FBN2: variants seen among roughly 807,000 people sequenced by gnomAD.
FBN2 encodes the protein fibrillin-2.
Under a neutral mutation model 355.6 loss-of-function variants are expected in FBN2, and 105 were observed. That is an observed-to-expected ratio of 0.30 (90% confidence interval 0.25 to 0.35). The LOEUF (loss-of-function observed/expected upper bound fraction) is 0.35. Ranked by LOEUF, FBN2 falls within the 10% of genes least tolerant of loss-of-function variation. FBN2 has a pLI of 1.00. For synonymous variants in FBN2, 1,350 were observed against 1,301.2 expected (o/e 1.04, Z -0.81); for missense variants, 3,280 against 3,758.7 (o/e 0.87, Z 3.33).
intron 8 of FBN2, among the ~76,000 whole-genome samples, chr5:128,397,526 G>T (rs939765103): frequency 6.6e-6 from 1 of 152,108 alleles, no homozygotes; most frequent in Non-Finnish European, 1.5e-5. Context: ...ATTTTCAACC[G>T]TATTTAACTC....
chr5:128,364,766 G>A (rs1409980538), intron 17 of FBN2, 41 bp from the exon 18 acceptor site: 2 of 1,534,648 alleles, frequency 1.3e-6, no homozygotes, highest in Non-Finnish European at 1.8e-6. Flanking sequence ...CAACAAACAT[G>A]TTATTGTTTG....
intron 7 of FBN2, among the ~76,000 whole-genome samples, chr5:128,444,396 C>T (rs1050351920): frequency 2.6e-5 from 4 of 152,100 alleles, no homozygotes; most frequent in African/African-American, 9.7e-5. Context: ...TATAAAGAAA[C>T]AATATTACCC....
At chr5:128,279,105 T>C (rs1216900322) in intron 56 of FBN2, among the ~76,000 whole-genome samples, 1 of 152,176 alleles carries the variant, frequency 6.6e-6, no homozygotes, top group Non-Finnish European at 1.5e-5. Flanking sequence ...AACTAAATGA[T>C]AGTGACCTAC....
intron 23 of FBN2, 91 bp from the exon 24 acceptor site, chr5:128,345,675 T>C: frequency 2.6e-6 from 3 of 1,168,984 alleles, no homozygotes; most frequent in Middle Eastern, 1.9e-4. Flanking sequence ...CCAGGCATCA[T>C]GCAGGACCCT....
At chr5:128,350,782 C>G (rs928980424) in intron 21 of FBN2, 86 bp downstream of exon 21, 34 of 1,488,270 alleles carry the variant, frequency 2.3e-5, no homozygotes, top group Non-Finnish European at 3.1e-5. Context: ...ACCTTCTTCA[C>G]TAAGGAACTG....
intron 62 of FBN2, among the ~76,000 whole-genome samples, chr5:128,267,691 T>C (rs1158125462): frequency 6.6e-6 from 1 of 152,198 alleles, no homozygotes; most frequent in Admixed American, 6.5e-5. Flanking sequence ...CACAAACTTG[T>C]TTAAGTTCCT....
intron 55 of FBN2, among the ~76,000 whole-genome samples, chr5:128,280,707 T>A (rs756890282): frequency 1.4e-4 from 21 of 151,978 alleles, no homozygotes; most frequent in Non-Finnish European, 2.5e-4. Context: ...GGGTGTTGGG[T>A]ATGGGTGATG....
Position 128,275,985 on chromosome 5 carries a change from T to C in FBN2, c.7594+53A>G, listed in dbSNP as rs1469306397. 4 of 1,597,570 alleles carry C rather than the reference T, an allele frequency of 2.5e-6. No homozygotes were observed. The African/African-American group carries it at 4.0e-5, about 16-fold the overall frequency. Reference sequence around the variant, plus strand: ...ATTCCTGATAATCTAATATTTAAATTTGAAAGAAAAGATACAGACTAGGGT... The same window carrying C: ...ATTCCTGATAATCTAATATTTAAATCTGAAAGAAAAGATACAGACTAGGGT... On this transcript the variant is annotated intron_variant, in intron 59 of 64. Coordinates refer to ENST00000262464, the MANE Select transcript of FBN2 (RefSeq NM_001999.4).
rs141952219 is a variant in FBN2, at chr5:128,418,269, T to C, written c.953-9470A>G. Among the ~76,000 whole-genome samples, 1,330 of 152,266 alleles carry C rather than the reference T, an allele frequency of 8.7e-3. 10 individuals carry two copies. Among genetic ancestry groups the C allele is most frequent in the South Asian group, 0.022 (108 of 4,826 alleles). On this transcript the variant is annotated intron_variant, in intron 7 of 64. Coordinates refer to ENST00000262464, the MANE Select transcript of FBN2 (RefSeq NM_001999.4). ...ATTACTCTAACTAGTGGTTTATCAATCATGTTTATCTTTTCAGAAAAACCA... is the reference window on the plus strand; with the variant it reads ...ATTACTCTAACTAGTGGTTTATCAACCATGTTTATCTTTTCAGAAAAACCA...
chr5:128,419,567 T>C (rs541587663), intron 7 of FBN2, among the ~76,000 whole-genome samples: 1 of 152,254 alleles, frequency 6.6e-6, no homozygotes, highest in African/African-American at 2.4e-5. Context: ...ATGCTTTTGG[T>C]TTTTTGCATA....
At chr5:128,278,499 T>A (rs1473694745) in intron 57 of FBN2, 136 bp downstream of exon 57, 1 of 751,056 alleles carries the variant, frequency 1.3e-6, no homozygotes, top group African/African-American at 1.7e-5. Context: ...AAAACACACA[T>A]CAAATATAAA....
chr5:128,537,677 A>G lies in FBN2; in HGVS notation c.-74T>C, dbSNP rs1045885984. On this transcript the variant is annotated 5_prime_UTR_variant, in exon 1 of 65. Transcript: ENST00000262464. ...CAAAGACAAAATCTGCGCGCCTCAG[A>G]AAAGAGTCAGGGTCTAATAAGCCCT... 2.7e-6 allele frequency: 4 copies of G among 1,463,172 alleles called. No homozygotes were observed. In the African/African-American group the frequency reaches 4.2e-5, roughly 15 times the overall value. 90.6% of individuals were successfully genotyped at this position (1,463,172 alleles called of 1,614,324 possible). A position where few individuals can be genotyped will look rare whatever the true frequency, so the allele number is the denominator to read the frequency against.
chr5:128,492,064 T>C (rs888555148), intron 5 of FBN2, among the ~76,000 whole-genome samples: 1 of 152,160 alleles, frequency 6.6e-6, no homozygotes, highest in East Asian at 1.9e-4. Context: ...AAGTTTTCCC[T>C]CCCTCTCACT....
At position 128,344,260 on chromosome 5, in the gene FBN2, A is replaced by G. The variant is rs527629578; in HGVS notation, c.3343+125T>C. ...AGTGAGACCTTTTCTCTAAAAAGAAATTAATAAATAAATAAAAATTTTCAT... is the reference window on the plus strand; with the variant it reads ...AGTGAGACCTTTTCTCTAAAAAGAAGTTAATAAATAAATAAAAATTTTCAT... On this transcript the variant is annotated intron_variant, in intron 25 of 64. Coordinates refer to ENST00000262464, the MANE Select transcript of FBN2 (RefSeq NM_001999.4). 5 of 1,016,880 alleles carry G rather than the reference A, an allele frequency of 4.9e-6. No individual in the cohort carries two copies. The African/African-American group carries it at 6.6e-5, about 13-fold the overall frequency. 63.0% of individuals were successfully genotyped at this position (1,016,880 alleles called of 1,614,324 possible).
intron 8 of FBN2, among the ~76,000 whole-genome samples, chr5:128,404,742 A>G (rs1752883512): frequency 6.6e-6 from 1 of 152,240 alleles, no homozygotes. Flanking sequence ...CCAGTGAGTA[A>G]CGCAGAAGTA....
intron 5 of FBN2, among the ~76,000 whole-genome samples, chr5:128,502,261 T>G (rs1755838283): frequency 6.8e-6 from 1 of 147,480 alleles, no homozygotes; most frequent in African/African-American, 2.5e-5. Context: ...AATGATCACA[T>G]GCTTTTCACT....
intron 23 of FBN2, 78 bp from the exon 24 acceptor site, chr5:128,345,662 G>T: frequency 1.5e-6 from 2 of 1,314,178 alleles, no homozygotes; most frequent in Non-Finnish European, 2.2e-6. Flanking sequence ...CGTCTGCTCA[G>T]CACCAGGCAT....
chr5:128,427,794 G>A lies in FBN2; in HGVS notation c.952+18687C>T, dbSNP rs74657716. Among the ~76,000 whole-genome samples, 1,008 of 152,186 alleles carry A rather than the reference G, an allele frequency of 6.6e-3. 11 individuals carry two copies. Among genetic ancestry groups the A allele is most frequent in the African/African-American group, 0.023 (935 of 41,514 alleles). ...ATTGGAGAGTCCGGGTCTGAAGCAC[G>A]AGCTGCCTGATTTTCCCTGCTGGGC... On this transcript the variant is annotated intron_variant, in intron 7 of 64. Coordinates refer to ENST00000262464, the MANE Select transcript of FBN2 (RefSeq NM_001999.4).
intron 42 of FBN2, among the ~76,000 whole-genome samples, chr5:128,306,561 A>T (rs1223110351): frequency 6.6e-6 from 1 of 152,030 alleles, no homozygotes; most frequent in Non-Finnish European, 1.5e-5. Flanking sequence ...GACAGAGGTT[A>T]CAGTGAGCTG....
Sources: gnomAD v4.1 joint callset for allele counts (sites outside exome capture counted in the v4.1 genomes callset) on GRCh38, gnomAD v4.1.1 for gene constraint, MANE v1.5 for transcripts, NCBI Gene and HGNC (gene_info 2026-07-23, HGNC 2026-07-21) for gene names.